The following RAB6B variants were observed in gnomAD, a reference collection of about 807,000 sequenced individuals.
RAB6B encodes the protein ras-related protein Rab-6B.
A neutral mutation model predicts 31.2 loss-of-function variants in RAB6B; 7 were observed. That is an observed-to-expected ratio of 0.22 (90% CI 0.13 to 0.42). The LOEUF (loss-of-function observed/expected upper bound fraction) is 0.42. Ranked by LOEUF, RAB6B falls within the 10% of genes least tolerant of loss-of-function variation. The pLI, the probability that RAB6B is intolerant of heterozygous loss-of-function variation, is 1.00. For synonymous variants in RAB6B, 105 were observed against 104.9 expected (o/e 1.00, Z -0.01); for missense variants, 149 against 280.6 (o/e 0.53, Z 3.35).
intron 1 of RAB6B, among the ~76,000 whole-genome samples, chr3:133,883,578 T>TA (rs35443227): frequency 0.12 from 18,528 of 152,188 alleles, 1,392 homozygotes; most frequent in Non-Finnish European, 0.15. Context: ...TCAGCACTTC[T>TA]ATGGATCTCT....
At chr3:133,838,905 G>C (rs956595002) in intron 5 of RAB6B, among the ~76,000 whole-genome samples, 5 of 152,222 alleles carry the variant, frequency 3.3e-5, no homozygotes, top group African/African-American at 1.2e-4. Flanking sequence ...ATCTGCCCAA[G>C]TCAGGGTCAT....
At chr3:133,867,388 C>T (rs945133233) in intron 1 of RAB6B, among the ~76,000 whole-genome samples, 5 of 152,200 alleles carry the variant, frequency 3.3e-5, no homozygotes, top group African/African-American at 1.2e-4. Flanking sequence ...CACCTGCCCA[C>T]TGAAGCTTGC....
chr3:133,874,700 AT>A (rs1446499175), intron 1 of RAB6B, among the ~76,000 whole-genome samples: 4 of 152,224 alleles, frequency 2.6e-5, no homozygotes, highest in Non-Finnish European at 5.9e-5. Flanking sequence ...TTGTTTTAAC[AT>A]TTTGACTCTT....
At position 133,824,634 on chromosome 3, in the gene RAB6B, A is replaced by G. The variant is rs1935528081; in HGVS notation, c.*4154T>C. On this transcript the variant is annotated 3_prime_UTR_variant, in exon 8 of 8. Coordinates refer to ENST00000285208, the MANE Select transcript of RAB6B (RefSeq NM_016577.4). The stretch of plus-strand genomic sequence containing the variant: ...ACACCTAAATAGTTCATGTCAAACA[A>G]AAATTCAAAGGGTGTCCTGATCTGT... 6.6e-6 allele frequency: 1 copy of G among 152,220 alleles called. No homozygotes were observed. The highest frequency in any genetic ancestry group is 1.5e-5 in the Non-Finnish European group (1 of 68,038). The allele number at this position is 152,220 out of a possible 1,614,324, so 9.4% of individuals were successfully genotyped here.
intron 1 of RAB6B, among the ~76,000 whole-genome samples, chr3:133,866,873 G>C (rs932065732): frequency 1.5e-4 from 23 of 152,370 alleles, no homozygotes; most frequent in African/African-American, 5.3e-4. Flanking sequence ...GGGCACGCTG[G>C]TCACTTCCCT....
chr3:133,838,225 T>A lies in RAB6B; in HGVS notation c.436A>T (p.Lys146Ter). 6.2e-7 allele frequency: 1 copy of A among 1,614,190 alleles called. No individual in the cohort carries two copies. The highest frequency in any genetic ancestry group is 8.5e-7 in the Non-Finnish European group (1 of 1,180,018). The part of the protein sequence containing the change: ...ITIEEGEQRA[K>*]ELSVMFIETS... Reference sequence around the variant, plus strand: ...TCAATGAACATGACGCTCAGTTCTTTGGCGCGCTGCTCCCCCTCCTCGATG... The same window carrying A: ...TCAATGAACATGACGCTCAGTTCTTAGGCGCGCTGCTCCCCCTCCTCGATG... The change falls in exon 6 of 8, where the codon AAA becomes TAA. Residue 146 changes from lysine (K) to a stop codon, truncating the protein, a stop_gained. Transcript: ENST00000285208. LOFTEE classifies it high-confidence loss of function.
chr3:133,845,309 T>C (rs866965679), intron 2 of RAB6B, among the ~76,000 whole-genome samples: 1 of 152,234 alleles, frequency 6.6e-6, no homozygotes, highest in Non-Finnish European at 1.5e-5. Flanking sequence ...CTCTGACCTC[T>C]TGAATGGGAT....
intron 1 of RAB6B, among the ~76,000 whole-genome samples, chr3:133,876,320 C>T (rs1026976475): frequency 5.9e-5 from 9 of 152,280 alleles, no homozygotes; most frequent in African/African-American, 1.7e-4. Flanking sequence ...GTGTCTCCCC[C>T]GGACCAGTTC....
chr3:133,864,770 A>AG (rs1340257593), intron 1 of RAB6B, 128 bp from the exon 2 acceptor site: 2 of 897,784 alleles, frequency 2.2e-6, no homozygotes, highest in African/African-American at 3.3e-5. Flanking sequence ...GCAGAAATAC[A>AG]GAAGTGGGAG....
Position 133,828,521 on chromosome 3 carries a change from T to C in RAB6B, c.*267A>G. The C allele has an allele frequency of 2.1e-6, 1 of 482,192 alleles. No homozygotes were observed. Among genetic ancestry groups the C allele is most frequent in the Non-Finnish European group, 3.6e-6 (1 of 274,990 alleles). The allele number at this position is 482,192 out of a possible 1,614,324, so 29.9% of individuals were successfully genotyped here. A position where few individuals can be genotyped will look rare whatever the true frequency, so the allele number is the denominator to read the frequency against. On this transcript the variant is annotated 3_prime_UTR_variant, in exon 8 of 8. Transcript: ENST00000285208. Reference sequence around the variant, plus strand: ...GTATACACATGATTTAAATTTTTTTTAAATTTTAACAGTTTTTGGCAATCT... The same window carrying C: ...GTATACACATGATTTAAATTTTTTTCAAATTTTAACAGTTTTTGGCAATCT...
At chr3:133,840,786 C>T (rs186339426) in intron 4 of RAB6B, among the ~76,000 whole-genome samples, 29 of 152,180 alleles carry the variant, frequency 1.9e-4, no homozygotes, top group East Asian at 1.5e-3. Flanking sequence ...TGAAGAGCCA[C>T]AGTACTGGAG....
intron 2 of RAB6B, among the ~76,000 whole-genome samples, chr3:133,848,751 C>T (rs1427017912): frequency 1.3e-5 from 2 of 151,572 alleles, no homozygotes; most frequent in Non-Finnish European, 2.9e-5. Context: ...TTAAAGGCTC[C>T]ACTTTTTTTT....
intron 2 of RAB6B, among the ~76,000 whole-genome samples, chr3:133,849,269 T>C (rs1230808674): frequency 6.6e-6 from 1 of 152,210 alleles, no homozygotes; most frequent in Non-Finnish European, 1.5e-5. Flanking sequence ...TGGCCAGTGA[T>C]TCAATGATTC....
chr3:133,885,619 C>T, intron 1 of RAB6B: 3 of 702,966 alleles, frequency 4.3e-6, no homozygotes, highest in Admixed American at 2.0e-5. Context: ...GCCAGCAGTC[C>T]CGCAGAACAC....
chr3:133,894,114 C>G (rs999766812), intron 1 of RAB6B, among the ~76,000 whole-genome samples: 2 of 152,248 alleles, frequency 1.3e-5, no homozygotes, highest in African/African-American at 2.4e-5. Flanking sequence ...AGCACTGTTC[C>G]TGGGCCCACC....
intron 1 of RAB6B, among the ~76,000 whole-genome samples, chr3:133,868,886 G>A (rs1158638462): frequency 6.6e-6 from 1 of 152,168 alleles, no homozygotes; most frequent in African/African-American, 2.4e-5. Context: ...GATCCAATGA[G>A]TTAGTTATTA....
intron 2 of RAB6B, among the ~76,000 whole-genome samples, chr3:133,849,416 T>C (rs924512645): frequency 3.3e-5 from 5 of 152,198 alleles, no homozygotes; most frequent in African/African-American, 1.2e-4. Context: ...CTCAGATAAC[T>C]CATTTGTGCA....
rs1935791509 is a variant in RAB6B, at chr3:133,839,579, C to T, written c.328G>A (p.Asp110Asn). 2.5e-6 allele frequency: 4 copies of T among 1,614,160 alleles called. No homozygotes were observed. The highest frequency in any genetic ancestry group is 1.3e-5 in the African/African-American group (1 of 75,038). Reference sequence around the variant, plus strand: ...TCACTGCCCCTCTCTGTCCTGACGTCGTCGATCCACTTAGAGGTCTGTTGG... The same window carrying T: ...TCACTGCCCCTCTCTGTCCTGACGTTGTCGATCCACTTAGAGGTCTGTTGG... ...SFQQTSKWID[D>N]VRTERGSDVI... The change falls in exon 5 of 8, where the codon GAC becomes AAC. Residue 110 changes from aspartate (D) to asparagine (N), a missense_variant. Physicochemically the swap from Asp to Asn is conservative, Grantham distance 23. This residue lies in a region of RAB6B where 75 missense variants were observed against 180.1 expected (regional missense o/e 0.42). Transcript: ENST00000285208.
chr3:133,833,673 C>T lies in RAB6B; in HGVS notation c.562+902G>A, dbSNP rs115170564. ...CATCTTCCCAGGGCCCTTCTTTGAT[C>T]TGTCAGGGATGTCTACCCTCAGAGG... On this transcript the variant is annotated intron_variant, in intron 7 of 7. Transcript: ENST00000285208. 6.4e-3 allele frequency among the ~76,000 whole-genome samples: 978 copies of T among 152,328 alleles called. 4 individuals carry two copies. Among genetic ancestry groups the T allele is most frequent in the Non-Finnish European group, 0.011 (726 of 68,032 alleles).
Sources: gnomAD v4.1 joint callset for allele counts (sites outside exome capture counted in the v4.1 genomes callset) on GRCh38, gnomAD v4.1.1 for gene constraint, gnomAD v4.1.1 regional missense constraint, MANE v1.5 for transcripts, NCBI Gene and HGNC (gene_info 2026-07-23, HGNC 2026-07-21) for gene names.